The following ZNF618 variants were observed in gnomAD, a reference collection of about 807,000 sequenced individuals.
ZNF618 encodes the protein neural precursor cell expressed, developmentally down-regulated 10.
ZNF618 carries 34 observed loss-of-function variants against 103.0 expected under a neutral mutation model. The ratio of observed to expected loss-of-function variants is 0.33; its 90% CI spans 0.25 to 0.44. ZNF618 has a LOEUF of 0.44. Among genes scored for constraint, ZNF618 ranks in the 20% least tolerant of loss-of-function variants. The pLI, the probability that ZNF618 is intolerant of heterozygous loss-of-function variation, is 1.00. For synonymous variants in ZNF618, 551 were observed against 542.2 expected, an observed-to-expected ratio of 1.02 and a Z score of -0.23; for missense variants, 1,059 against 1,295.4, an observed-to-expected ratio of 0.82 and a Z score of 2.80.
intron 10 of ZNF618, among the ~76,000 whole-genome samples, chr9:114,017,908 T>C (rs931490306): frequency 4.6e-5 from 7 of 151,842 alleles, no homozygotes; most frequent in African/African-American, 1.7e-4. Context: ...CTGGGCAGAG[T>C]GGCAGGGGCT....
At chr9:113,965,432 C>G (rs1837306797) in intron 1 of ZNF618, among the ~76,000 whole-genome samples, 1 of 151,986 alleles carries the variant, frequency 6.6e-6, no homozygotes, top group Non-Finnish European at 1.5e-5. Context: ...TTGCCCAGGT[C>G]CTGAGGGGAA....
At chr9:114,001,276 GCT>G (rs1841174406) in intron 4 of ZNF618, among the ~76,000 whole-genome samples, 1 of 133,866 alleles carries the variant, frequency 7.5e-6, no homozygotes, top group Non-Finnish European at 1.7e-5. Context: ...CTGGCAAGGG[GCT>G]GGGGGGGCCA....
intron 11 of ZNF618, among the ~76,000 whole-genome samples, chr9:114,031,111 T>C (rs1428269984): frequency 2.0e-5 from 3 of 152,184 alleles, no homozygotes; most frequent in African/African-American, 7.2e-5. Flanking sequence ...TTTTTTCACC[T>C]GTGAAATGGG....
chr9:113,888,712 T>C (rs953023581), intron 1 of ZNF618, among the ~76,000 whole-genome samples: 8 of 152,198 alleles, frequency 5.3e-5, no homozygotes, highest in Admixed American at 5.2e-4. Context: ...CTGGACGCTT[T>C]CCAGTCTCGG....
rs145646743 is a variant in ZNF618 at position 113,972,985 on chromosome 9, C to G, written c.77+3825C>G. On this transcript the variant is annotated intron_variant, in intron 2 of 14. Coordinates refer to ENST00000374126, the MANE Select transcript of ZNF618 (RefSeq NM_001318042.2). ...TCAGGAGGCTGAGGCGGGAGAATCACTTGAACCCAGGAGGTGGAGGTTGCA... is the reference window on the plus strand; with the variant it reads ...TCAGGAGGCTGAGGCGGGAGAATCAGTTGAACCCAGGAGGTGGAGGTTGCA... Among the ~76,000 whole-genome samples, 1,083 of 152,238 alleles carry G rather than the reference C, an allele frequency of 7.1e-3. 12 individuals are homozygous for G. The highest frequency in any genetic ancestry group is 0.025 in the African/African-American group (1,047 of 41,532).
At chr9:113,901,824 C>G (rs559281930) in intron 1 of ZNF618, among the ~76,000 whole-genome samples, 60 of 152,246 alleles carry the variant, frequency 3.9e-4, no homozygotes, top group Admixed American at 2.9e-3. Flanking sequence ...ATTCCAAACT[C>G]CTGTTCTCCG....
chr9:113,933,607 A>G (rs1302300193), intron 1 of ZNF618, among the ~76,000 whole-genome samples: 1 of 152,086 alleles, frequency 6.6e-6, no homozygotes, highest in African/African-American at 2.4e-5. Flanking sequence ...TAGGATCATG[A>G]ATTGAGGAGG....
chr9:114,007,011 AT>A (rs1327066753), intron 6 of ZNF618, among the ~76,000 whole-genome samples: 5 of 152,288 alleles, frequency 3.3e-5, no homozygotes, highest in Admixed American at 6.5e-5. Flanking sequence ...CAGAAGTGAT[AT>A]TCTGTCACTT....
At chr9:113,898,118 T>G (rs1451957692) in intron 1 of ZNF618, among the ~76,000 whole-genome samples, 1 of 152,220 alleles carries the variant, frequency 6.6e-6, no homozygotes, top group Non-Finnish European at 1.5e-5. Context: ...TGGTGTTATT[T>G]GATTCCTTGC....
At chr9:113,991,073 A>T (rs1840016166) in intron 3 of ZNF618, among the ~76,000 whole-genome samples, 1 of 152,224 alleles carries the variant, frequency 6.6e-6, no homozygotes, top group African/African-American at 2.4e-5. Context: ...CCTGGGATAG[A>T]GCCAGCAGTC....
rs1564319872 is a variant in ZNF618 at position 114,028,913 on chromosome 9, C to A, written c.1025C>A (p.Thr342Asn). 6.4e-7 allele frequency: 1 copy of A among 1,550,686 alleles called. No individual in the cohort carries two copies. Among genetic ancestry groups the A allele is most frequent in the Admixed American group, 2.0e-5 (1 of 51,008 alleles). ...ATLLHRTPPA[T>N]QTQTFRTPNS... ...CTCTTACACCGCACCCCTCCAGCCA[C>A]CCAAACCCAGACGTTCCGCACTCCA... The change falls in exon 11 of 15, where the codon ACC becomes AAC. Residue 342 changes from threonine to asparagine, a missense_variant. Physicochemically the swap from Thr to Asn is moderately conservative, Grantham distance 65. Transcript: ENST00000374126.
At chr9:113,930,183 AT>A (rs1288493406) in intron 1 of ZNF618, among the ~76,000 whole-genome samples, 1 of 152,118 alleles carries the variant, frequency 6.6e-6, no homozygotes, top group Admixed American at 6.5e-5. Flanking sequence ...CGCTTCTGGA[AT>A]TTCCCCCAAG....
At chr9:113,983,232 T>C (rs1839131798) in intron 2 of ZNF618, among the ~76,000 whole-genome samples, 3 of 151,984 alleles carry the variant, frequency 2.0e-5, no homozygotes, top group Non-Finnish European at 1.5e-5. Flanking sequence ...AAAAATGATA[T>C]ATGAAAAAAA....
At chr9:113,981,559 T>C (rs1026718932) in intron 2 of ZNF618, among the ~76,000 whole-genome samples, 6 of 152,184 alleles carry the variant, frequency 3.9e-5, no homozygotes, top group Admixed American at 1.3e-4. Context: ...TTAAGCATCA[T>C]CATTATTGGC....
chr9:114,016,006 C>T, intron 9 of ZNF618: 1 of 1,084,616 alleles, frequency 9.2e-7, no homozygotes, highest in Non-Finnish European at 1.4e-6. Context: ...CACCCTCCCC[C>T]AAGGGGGTAG....
chr9:114,010,287 G>A, intron 9 of ZNF618, among the ~76,000 whole-genome samples: 1 of 118,274 alleles, frequency 8.5e-6, no homozygotes, highest in East Asian at 2.4e-4. Context: ...GGTGACAAGA[G>A]TGAGACTCTG....
intron 1 of ZNF618, among the ~76,000 whole-genome samples, chr9:113,889,311 G>A (rs991640792): frequency 2.5e-5 from 3 of 120,646 alleles, no homozygotes; most frequent in Admixed American, 9.6e-5. Flanking sequence ...CTGTCTCCCC[G>A]CTACCATCTC....
intron 1 of ZNF618, among the ~76,000 whole-genome samples, chr9:113,901,314 G>A (rs1193257186): frequency 6.6e-6 from 1 of 152,130 alleles, no homozygotes. Context: ...TTTAAAACGG[G>A]CATCTCCTTG....
chr9:113,995,861 G>T (rs557259044), intron 3 of ZNF618, among the ~76,000 whole-genome samples: 1 of 152,104 alleles, frequency 6.6e-6, no homozygotes, highest in East Asian at 1.9e-4. Context: ...GGCAGGCACC[G>T]TGGTAGGATT....
Sources: gnomAD v4.1 joint callset for allele counts (sites outside exome capture counted in the v4.1 genomes callset) on GRCh38, gnomAD v4.1.1 for gene constraint, MANE v1.5 for transcripts, NCBI Gene and HGNC (gene_info 2026-07-23, HGNC 2026-07-21) for gene names.